Variants in PDE4B observed in about 807,000 individuals in gnomAD.
PDE4B encodes the protein phosphodiesterase 4B, also known as 3',5'-cyclic-AMP phosphodiesterase 4B.
In PDE4B, 20 loss-of-function variants were observed where a neutral mutation model predicts 82.2. That is an observed-to-expected ratio of 0.24 (90% CI 0.17 to 0.35). The LOEUF (loss-of-function observed/expected upper bound fraction) is 0.35, where lower values mean the gene tolerates loss of function less well. Ranked by LOEUF, PDE4B falls within the 10% of genes least tolerant of loss-of-function variation. The pLI, the probability that PDE4B is intolerant of heterozygous loss-of-function variation, is 1.00. For missense variants in PDE4B, 655 were observed against 907.2 expected (o/e 0.72, Z 3.57); for synonymous variants, 320 against 318.9 (o/e 1.00, Z -0.04).
intron 6 of PDE4B, among the ~76,000 whole-genome samples, chr1:66,262,851 A>G (rs1451104248): frequency 6.6e-6 from 1 of 152,216 alleles, no homozygotes; most frequent in South Asian, 2.1e-4. Context: ...AACTTCTGAG[A>G]CAAAAGAATT....
At chr1:65,968,424 C>T (rs1649963692) in intron 3 of PDE4B, among the ~76,000 whole-genome samples, 2 of 152,130 alleles carry the variant, frequency 1.3e-5, no homozygotes, top group Admixed American at 6.6e-5. Flanking sequence ...AAACAAGGCA[C>T]ACACAGTCCC....
intron 3 of PDE4B, among the ~76,000 whole-genome samples, chr1:66,191,455 A>T (rs1235377693): frequency 6.6e-6 from 1 of 152,180 alleles, no homozygotes; most frequent in Non-Finnish European, 1.5e-5. Context: ...AGTAAAATTC[A>T]TTTTACAATG....
chr1:66,234,278 G>A (rs954224566), intron 3 of PDE4B, among the ~76,000 whole-genome samples: 1 of 152,112 alleles, frequency 6.6e-6, no homozygotes, highest in African/African-American at 2.4e-5. Flanking sequence ...GTTGTCAAAT[G>A]TACTGGCATA....
intron 7 of PDE4B, among the ~76,000 whole-genome samples, chr1:66,328,260 A>G (rs1557703035): frequency 6.6e-6 from 1 of 152,256 alleles, no homozygotes; most frequent in Non-Finnish European, 1.5e-5. Context: ...GGGAAAGAAG[A>G]GAGCAAGAGA....
intron 1 of PDE4B, among the ~76,000 whole-genome samples, chr1:65,895,549 C>CAAAAAAAAAAAAAAAA (rs10605148): frequency 1.1e-5 from 1 of 91,998 alleles, no homozygotes. Context: ...GACACTGTCT[C>CAAAAAAAAAAAAAAAA]AAAAAAAAAA....
chr1:66,086,728 C>G (rs546603491), intron 3 of PDE4B, among the ~76,000 whole-genome samples: 4 of 152,136 alleles, frequency 2.6e-5, no homozygotes, highest in Admixed American at 1.3e-4. Flanking sequence ...ATTTCATTCT[C>G]CAGCTCATCT....
intron 3 of PDE4B, among the ~76,000 whole-genome samples, chr1:66,049,548 G>A (rs916825985): frequency 2.0e-5 from 3 of 151,968 alleles, no homozygotes; most frequent in Admixed American, 1.3e-4. Context: ...CTAGACCTAC[G>A]TTTAATATTT....
intron 3 of PDE4B, among the ~76,000 whole-genome samples, chr1:66,051,191 A>G (rs1259648746): frequency 1.3e-5 from 2 of 152,090 alleles, no homozygotes; most frequent in South Asian, 4.1e-4. Context: ...CATGTACCCT[A>G]AAACTTAAAG....
At chr1:66,363,320 T>G in intron 11 of PDE4B, 54 bp downstream of exon 11, 1 of 1,547,242 alleles carries the variant, frequency 6.5e-7, no homozygotes, top group Non-Finnish European at 8.8e-7. Flanking sequence ...CTTTATGATT[T>G]TTTTTTTCCA....
At chr1:65,808,351 G>A (rs1645780496) in intron 1 of PDE4B, among the ~76,000 whole-genome samples, 1 of 151,912 alleles carries the variant, frequency 6.6e-6, no homozygotes, top group Admixed American at 6.6e-5. Context: ...TAAAGAAATT[G>A]TAGAGACAGG....
At chr1:65,990,607 G>T (rs926641968) in intron 3 of PDE4B, among the ~76,000 whole-genome samples, 3 of 151,598 alleles carry the variant, frequency 2.0e-5, no homozygotes, top group African/African-American at 7.3e-5. Context: ...TCTCAAATAG[G>T]GCAGTTAAAA....
intron 8 of PDE4B, among the ~76,000 whole-genome samples, chr1:66,346,308 G>C (rs368674727): frequency 1.3e-5 from 2 of 152,224 alleles, no homozygotes; most frequent in Non-Finnish European, 1.5e-5. Flanking sequence ...TTATCCTCAT[G>C]TCAGGTAGTC....
At chr1:66,272,715 A>C (rs1039524277) in intron 7 of PDE4B, among the ~76,000 whole-genome samples, 5 of 147,618 alleles carry the variant, frequency 3.4e-5, no homozygotes, top group African/African-American at 1.3e-4. Flanking sequence ...TGGTCCTCCA[A>C]CTTGTTATTA....
At chr1:66,257,564 G>T in intron 4 of PDE4B, 83 bp from the exon 5 acceptor site, 1 of 1,248,386 alleles carries the variant, frequency 8.0e-7, no homozygotes, top group Non-Finnish European at 1.2e-6. Context: ...TGTTAACACT[G>T]ATAAAATTTA....
chr1:66,299,910 C>A (rs999679279), intron 7 of PDE4B, among the ~76,000 whole-genome samples: 3 of 151,882 alleles, frequency 2.0e-5, no homozygotes, highest in African/African-American at 4.8e-5. Flanking sequence ...ATTTGTAGGA[C>A]TTTTTAGTAA....
chr1:65,897,974 T>G (rs1339544623), intron 1 of PDE4B, among the ~76,000 whole-genome samples: 3 of 152,048 alleles, frequency 2.0e-5, no homozygotes, highest in Non-Finnish European at 4.4e-5. Flanking sequence ...GCCTTCCCTT[T>G]TCTCTACAAT....
intron 1 of PDE4B, among the ~76,000 whole-genome samples, chr1:65,805,600 GT>G (rs1317519423): frequency 6.6e-6 from 1 of 151,614 alleles, no homozygotes; most frequent in Non-Finnish European, 1.5e-5. Context: ...ATATCTTCCT[GT>G]TTCTTGGTTT....
At chr1:66,199,913 C>G (rs1415242089) in intron 3 of PDE4B, among the ~76,000 whole-genome samples, 1 of 152,170 alleles carries the variant, frequency 6.6e-6, no homozygotes, top group African/African-American at 2.4e-5. Context: ...GACATGAAGT[C>G]CTTGCCCAGG....
chr1:66,195,664 G>A (rs1464129981), intron 3 of PDE4B, among the ~76,000 whole-genome samples: 1 of 152,068 alleles, frequency 6.6e-6, no homozygotes, highest in Non-Finnish European at 1.5e-5. Flanking sequence ...TCTGTAAAAT[G>A]GAAAATATAT....
Sources: allele counts gnomAD v4.1 joint callset (sites outside exome capture counted in the v4.1 genomes callset), GRCh38; gene constraint gnomAD v4.1.1; transcripts MANE v1.5; gene names NCBI Gene and HGNC (gene_info 2026-07-23, HGNC 2026-07-21).